Variants in ZGRF1 observed in about 807,000 individuals in gnomAD.
The protein encoded by ZGRF1 is 5'-3' DNA helicase ZGRF1.
Under a neutral mutation model 203.5 loss-of-function variants are expected in ZGRF1, and 196 were observed. The ratio of observed to expected loss-of-function variants is 0.96; its 90% CI spans 0.86 to 1.08. ZGRF1 has a LOEUF of 1.08. Ranked by LOEUF, ZGRF1 falls within the 50% of genes least tolerant of loss-of-function variation. The pLI is 0.00. For synonymous variants in ZGRF1, 809 were observed against 841.3 expected (o/e 0.96, Z 0.66); for missense variants, 2,326 against 2,416.3 (o/e 0.96, Z 0.78).
At chr4:112,545,547 G>T (rs897505385) in intron 24 of ZGRF1, among the ~76,000 whole-genome samples, 1 of 152,092 alleles carries the variant, frequency 6.6e-6, no homozygotes, top group Non-Finnish European at 1.5e-5. Flanking sequence ...GTAAAATGAC[G>T]CCGCTGCTAT....
intron 20 of ZGRF1, among the ~76,000 whole-genome samples, chr4:112,556,601 C>G (rs1740983338): frequency 6.6e-6 from 1 of 152,044 alleles, no homozygotes; most frequent in African/African-American, 2.4e-5. Flanking sequence ...TGTTTGTTGG[C>G]CAGGCTAGTC....
At position 112,587,339 on chromosome 4, in the gene ZGRF1, C is replaced by T; in HGVS notation, c.3718G>A (p.Glu1240Lys). The stretch of plus-strand genomic sequence containing the variant: ...GACCCTCCTAATACATTTTTAATTT[C>T]CTCTGTCTTAGAAGTCTGCTTTAAA... ...LNLKQTSKTE[E>K]IKNVLGGSTC... The change falls in exon 12 of 28, where the codon GAA becomes AAA. Residue 1240 changes from glutamate to lysine, a missense_variant. Physicochemically the swap from Glu to Lys is moderately conservative, Grantham distance 56. Transcript: ENST00000505019. The T allele has an allele frequency of 1.9e-6, 3 of 1,613,526 alleles. No individual in the cohort carries two copies. Among genetic ancestry groups the T allele is most frequent in the South Asian group, 2.2e-5 (2 of 91,044 alleles).
chr4:112,547,254 G>A, intron 24 of ZGRF1, 31 bp downstream of exon 24: 1 of 1,589,058 alleles, frequency 6.3e-7, no homozygotes, highest in Non-Finnish European at 8.6e-7. Flanking sequence ...ATCAATAAAT[G>A]ATAATTCCGT....
At chr4:112,585,187 T>G (rs1746956626) in intron 14 of ZGRF1, among the ~76,000 whole-genome samples, 1 of 152,186 alleles carries the variant, frequency 6.6e-6, no homozygotes, top group Admixed American at 6.5e-5. Context: ...GGAGGATGGC[T>G]TGAGCCCGGA....
intron 16 of ZGRF1, among the ~76,000 whole-genome samples, chr4:112,574,882 T>A (rs1274298875): frequency 6.6e-6 from 1 of 151,876 alleles, no homozygotes; most frequent in Non-Finnish European, 1.5e-5. Flanking sequence ...AAAAATTAGC[T>A]GGATGTGGTA....
intron 21 of ZGRF1, 24 bp from the exon 22 acceptor site, chr4:112,554,006 C>G: frequency 1.3e-6 from 2 of 1,566,330 alleles, no homozygotes; most frequent in Middle Eastern, 1.7e-4. Flanking sequence ...TTAAAACACT[C>G]CTCTTTATTC....
chr4:112,561,322 C>G (rs1291494310), intron 18 of ZGRF1: 1 of 252,208 alleles, frequency 4.0e-6, no homozygotes, highest in Non-Finnish European at 7.8e-6. Context: ...GAATTTTTTC[C>G]CCCAATACCA....
intron 16 of ZGRF1, among the ~76,000 whole-genome samples, chr4:112,569,859 T>G (rs1189431701): frequency 6.6e-6 from 1 of 152,056 alleles, no homozygotes; most frequent in Non-Finnish European, 1.5e-5. Flanking sequence ...AAAAAAGACT[T>G]ATGAAACTAA....
chr4:112,632,160 A>C, intron 2 of ZGRF1, 150 bp from the exon 3 acceptor site: 1 of 376,148 alleles, frequency 2.7e-6, no homozygotes, highest in Non-Finnish European at 4.7e-6. Flanking sequence ...TAAATTTTAA[A>C]AACAAAAGCA....
intron 1 of ZGRF1, among the ~76,000 whole-genome samples, chr4:112,633,975 C>A (rs934463675): frequency 3.3e-5 from 5 of 152,100 alleles, no homozygotes; most frequent in African/African-American, 2.4e-5. Context: ...TTTTAAGAAG[C>A]CCTCCAAGTG....
intron 10 of ZGRF1, among the ~76,000 whole-genome samples, chr4:112,597,921 AAAAG>A (rs200939611): frequency 9.6e-4 from 145 of 150,822 alleles, no homozygotes; most frequent in Middle Eastern, 3.4e-3. Context: ...AAAAAAAAAA[AAAAG>A]AATAAAGCAG....
chr4:112,581,710 A>T lies in ZGRF1; in HGVS notation c.4391T>A (p.Leu1464His). Residue 1464 changes from leucine to histidine, a missense_variant, in exon 16 of 28, where the codon CTT becomes CAT. Physicochemically the swap from Leu to His is moderately conservative, Grantham distance 99 (BLOSUM62 -3). Transcript: ENST00000505019. ...TTCCTTCCGACTTAGCTTAAGATAA[A>T]GTTTGGTTTTTGGTTCATTATAAAA... ...PEFYNEPKTKLYLKLSRKERS... is the reference protein window; with the variant it reads ...PEFYNEPKTKHYLKLSRKERS... The T allele has an allele frequency of 1.3e-6, 2 of 1,583,626 alleles. No individual in the cohort carries two copies. The highest frequency in any genetic ancestry group is 1.7e-6 in the Non-Finnish European group (2 of 1,169,072).
chr4:112,626,052 G>C (rs2047229638), intron 3 of ZGRF1, among the ~76,000 whole-genome samples: 1 of 152,100 alleles, frequency 6.6e-6, no homozygotes, highest in African/African-American at 2.4e-5. Context: ...GTCCAGAATA[G>C]GTAAATCTAG....
chr4:112,620,046 G>A lies in ZGRF1; in HGVS notation c.307C>T (p.Arg103Ter), dbSNP rs776414763. The change falls in exon 5 of 28, where the codon CGA (arginine) becomes TGA (stop). Residue 103 changes from arginine (R) to a stop codon, truncating the protein, a stop_gained. Transcript: ENST00000505019. LOFTEE classifies it high-confidence loss of function. ...LNSRTFISSG[R>*]SLGCQPSGLK... ...CCAGAGGGCTGACATCCAAGAGATC[G>A]GCCAGAGGATATAAATGTCCTTGAA... 2.9e-5 allele frequency: 47 copies of A among 1,610,458 alleles called. No homozygotes were observed. The Admixed American group carries it at 6.9e-4, about 24-fold the overall frequency.
At chr4:112,622,819 T>C (rs761500900) in intron 4 of ZGRF1, among the ~76,000 whole-genome samples, 17 of 152,204 alleles carry the variant, frequency 1.1e-4, no homozygotes, top group Non-Finnish European at 2.1e-4. Context: ...AGAATATTTA[T>C]GTATTTATTT....
intron 6 of ZGRF1, among the ~76,000 whole-genome samples, chr4:112,615,959 T>C (rs1376411502): frequency 6.6e-6 from 1 of 152,228 alleles, no homozygotes; most frequent in Non-Finnish European, 1.5e-5. Flanking sequence ...TTTTAGAAAA[T>C]AAACTAACAA....
At chr4:112,621,023 C>T (rs2149170377) in intron 4 of ZGRF1, among the ~76,000 whole-genome samples, 1 of 152,164 alleles carries the variant, frequency 6.6e-6, no homozygotes, top group Middle Eastern at 3.4e-3. Flanking sequence ...CAGAGTGAGA[C>T]AATGTCTCTA....
chr4:112,589,025 T>C (rs1290449689), intron 11 of ZGRF1, among the ~76,000 whole-genome samples: 3 of 152,130 alleles, frequency 2.0e-5, no homozygotes, highest in Non-Finnish European at 4.4e-5. Context: ...CCATAAAACC[T>C]TTTCTAACCC....
chr4:112,587,523 C>A lies in ZGRF1; in HGVS notation c.3534G>T (p.Gly1178=), dbSNP rs748148504. Residue 1178 remains glycine (G), a synonymous_variant, in exon 12 of 28, where the codon GGG becomes GGT. Transcript: ENST00000505019. ...TTTCACTTGTGTCTCTAAAATGCATCCCAGAAACAGCCTCAGCAAAGAAGC... is the reference window on the plus strand; with the variant it reads ...TTTCACTTGTGTCTCTAAAATGCATACCAGAAACAGCCTCAGCAAAGAAGC... ...TDGFFAEAVS[G]MHFRDTSERQ... 7 of 1,613,874 alleles carry A rather than the reference C, an allele frequency of 4.3e-6. No individual in the cohort carries two copies. In the South Asian group the frequency reaches 6.6e-5, roughly 15 times the overall value.
Sources: allele counts gnomAD v4.1 joint callset (sites outside exome capture counted in the v4.1 genomes callset), GRCh38; gene constraint gnomAD v4.1.1; transcripts MANE v1.5; gene names NCBI Gene and HGNC (gene_info 2026-07-23, HGNC 2026-07-21).